Variants in SEMA3A observed in about 807,000 individuals in gnomAD.
SEMA3A encodes the protein semaphorin-3A.
A neutral mutation model predicts 97.9 loss-of-function variants in SEMA3A; 29 were observed. The ratio of observed to expected loss-of-function variants is 0.30; its 90% CI spans 0.22 to 0.40. The LOEUF (loss-of-function observed/expected upper bound fraction) is 0.40, where lower values mean the gene tolerates loss of function less well. Among genes scored for constraint, SEMA3A ranks in the 10% least tolerant of loss-of-function variants. The pLI is 1.00. For synonymous variants in SEMA3A, 321 were observed against 323.7 expected, an observed-to-expected ratio of 0.99 and a Z score of 0.09; for missense variants, 763 against 951.3, an observed-to-expected ratio of 0.80 and a Z score of 2.60.
At chr7:84,008,138 A>G (rs1039115835) in intron 9 of SEMA3A, among the ~76,000 whole-genome samples, 1 of 152,160 alleles carries the variant, frequency 6.6e-6, no homozygotes, top group Non-Finnish European at 1.5e-5. Context: ...CTAAACAAAA[A>G]TTTTGTTCGC....
Position 84,142,158 on chromosome 7 carries a change from A to C in SEMA3A, c.113-7207T>G, listed in dbSNP as rs374910720. Among the ~76,000 whole-genome samples, 23 of 152,348 alleles carry C rather than the reference A, an allele frequency of 1.5e-4. 1 individual carries two copies. The South Asian group carries it at 3.1e-3, about 21-fold the overall frequency. ...AGTATTTATGTAAAGTAAGTTGTTCATAATCTAATTTTATGATTCAGATTG... is the reference window on the plus strand; with the variant it reads ...AGTATTTATGTAAAGTAAGTTGTTCCTAATCTAATTTTATGATTCAGATTG... On this transcript the variant is annotated intron_variant, in intron 1 of 16. Coordinates refer to ENST00000265362, the MANE Select transcript of SEMA3A (RefSeq NM_006080.3).
At chr7:84,340,167 T>C (rs142338576) in intron 2 of SEMA3A, among the ~76,000 whole-genome samples, 3,404 of 152,242 alleles carry the variant, frequency 0.022, 132 homozygotes, top group African/African-American at 0.077. Context: ...TTTCTGAACA[T>C]GAGATTATTA....
intron 1 of SEMA3A, among the ~76,000 whole-genome samples, chr7:84,407,513 T>G (rs566453211): frequency 4.6e-5 from 7 of 151,942 alleles, no homozygotes; most frequent in African/African-American, 1.7e-4. Flanking sequence ...AAGTTACCAA[T>G]GACTTTCTTC....
chr7:84,259,019 A>T (rs1310879973), intron 3 of SEMA3A, among the ~76,000 whole-genome samples: 1 of 152,052 alleles, frequency 6.6e-6, no homozygotes, highest in Non-Finnish European at 1.5e-5. Flanking sequence ...AAGAAATAGG[A>T]TATCTTATGC....
chr7:84,306,994 T>C (rs1801174992), intron 3 of SEMA3A, among the ~76,000 whole-genome samples: 1 of 152,128 alleles, frequency 6.6e-6, no homozygotes, highest in Non-Finnish European at 1.5e-5. Context: ...ACATTTCAAA[T>C]GGCAATTCCT....
intron 1 of SEMA3A, among the ~76,000 whole-genome samples, chr7:84,138,651 A>G (rs1391801128): frequency 1.3e-5 from 2 of 152,104 alleles, no homozygotes; most frequent in African/African-American, 4.8e-5. Context: ...TTCCTGGCAT[A>G]TGTGTTAGCA....
intron 4 of SEMA3A, among the ~76,000 whole-genome samples, chr7:84,061,319 A>G (rs1330263699): frequency 6.6e-6 from 1 of 152,202 alleles, no homozygotes; most frequent in Non-Finnish European, 1.5e-5. Context: ...GTCTCAAGGT[A>G]GAATATGTGC....
chr7:84,044,439 A>T (rs1792268116), intron 6 of SEMA3A, among the ~76,000 whole-genome samples: 1 of 152,092 alleles, frequency 6.6e-6, no homozygotes, highest in South Asian at 2.1e-4. Flanking sequence ...GTATGCAATC[A>T]TCAATTATGT....
rs148572880 is a variant in SEMA3A, at chr7:84,373,021, C to T, written c.-245-1121G>A. 8.7e-4 allele frequency among the ~76,000 whole-genome samples: 132 copies of T among 152,286 alleles called. No individual in the cohort carries two copies. The Middle Eastern group carries it at 0.014, about 16-fold the overall frequency. On this transcript the variant is annotated intron_variant, in intron 1 of 3. Transcript: ENST00000424555. Reference sequence around the variant, plus strand: ...TCAAGATATGTTGTATGTTTCCATTCGCTCTCTTGTCCTTTTGCCGTCACC... The same window carrying T: ...TCAAGATATGTTGTATGTTTCCATTTGCTCTCTTGTCCTTTTGCCGTCACC...
At chr7:84,087,146 A>G (rs897886218) in intron 4 of SEMA3A, among the ~76,000 whole-genome samples, 1 of 152,148 alleles carries the variant, frequency 6.6e-6, no homozygotes, top group Non-Finnish European at 1.5e-5. Context: ...GCATCCATTT[A>G]TACAAATTCC....
intron 1 of SEMA3A, among the ~76,000 whole-genome samples, chr7:84,443,302 G>A (rs1805318535): frequency 6.6e-6 from 1 of 151,964 alleles, no homozygotes; most frequent in Admixed American, 6.6e-5. Flanking sequence ...TCATAACATG[G>A]AATTAAAAGA....
Position 84,055,271 on chromosome 7 carries a change from GC to G in SEMA3A, c.547+5193del, listed in dbSNP as rs1163937585. Among the ~76,000 whole-genome samples the G allele has an allele frequency of 4.6e-5, 7 of 152,288 alleles. 1 individual carries two copies. Among genetic ancestry groups the G allele is most frequent in the African/African-American group, 1.7e-4 (7 of 41,576 alleles). On this transcript the variant is annotated intron_variant, in intron 5 of 16. Coordinates refer to ENST00000265362, the MANE Select transcript of SEMA3A (RefSeq NM_006080.3). ...CAGGCTGCTTTGTTTACCTAATCAAGCCTGGGCAATGGCGGGCGCCCCTCCC... is the reference window on the plus strand; with the variant it reads ...CAGGCTGCTTTGTTTACCTAATCAAGCTGGGCAATGGCGGGCGCCCCTCCC...
intron 1 of SEMA3A, among the ~76,000 whole-genome samples, chr7:84,407,423 G>A (rs1430222149): frequency 6.6e-6 from 1 of 152,070 alleles, no homozygotes; most frequent in Non-Finnish European, 1.5e-5. Flanking sequence ...AACATTCCAT[G>A]CTCATGGGTA....
chr7:84,373,585 G>A (rs767128291), intron 1 of SEMA3A, among the ~76,000 whole-genome samples: 15 of 152,206 alleles, frequency 9.9e-5, no homozygotes, highest in East Asian at 3.9e-4. Flanking sequence ...CCTTTGAAAC[G>A]TTGGCAAAGC....
chr7:84,447,158 C>A (rs1805435757), intron 1 of SEMA3A, among the ~76,000 whole-genome samples: 1 of 152,192 alleles, frequency 6.6e-6, no homozygotes, highest in Non-Finnish European at 1.5e-5. Context: ...CATGCCAGCC[C>A]CCTGCCGCTT....
intron 1 of SEMA3A, among the ~76,000 whole-genome samples, chr7:84,141,008 A>G (rs1796277411): frequency 6.6e-6 from 1 of 152,128 alleles, no homozygotes; most frequent in Admixed American, 6.6e-5. Context: ...TTCACCAAGG[A>G]CTAGTTTTTA....
rs377168831 is a variant in SEMA3A, at chr7:84,350,887, T to C, written c.-169+20937A>G. ...GAAACATAGTTAACATGATTGGTCC[T>C]GACACTTGGTGTCCTTGAAGAGTTG... On this transcript the variant is annotated intron_variant, in intron 2 of 3. Transcript: ENST00000424555. Among the ~76,000 whole-genome samples the C allele has an allele frequency of 6.6e-5, 10 of 152,322 alleles. 2 individuals are homozygous for C. Among genetic ancestry groups the C allele is most frequent in the Admixed American group, 6.5e-5 (1 of 15,288 alleles).
At chr7:84,366,183 C>T (rs751692091) in intron 2 of SEMA3A, among the ~76,000 whole-genome samples, 52 of 151,244 alleles carry the variant, frequency 3.4e-4, no homozygotes, top group Non-Finnish European at 5.0e-4. Context: ...TCACTTTACC[C>T]CCTCTGATTT....
At chr7:84,235,784 G>A (rs1022725671) in intron 3 of SEMA3A, among the ~76,000 whole-genome samples, 4 of 151,830 alleles carry the variant, frequency 2.6e-5, no homozygotes, top group Admixed American at 6.6e-5. Flanking sequence ...TAACATGGTC[G>A]AGTATACTGT....
Sources: gnomAD v4.1 joint callset for allele counts (sites outside exome capture counted in the v4.1 genomes callset) on GRCh38, gnomAD v4.1.1 for gene constraint, MANE v1.5 for transcripts, NCBI Gene and HGNC (gene_info 2026-07-23, HGNC 2026-07-21) for gene names.